Variants in PPP1R9A observed in about 807,000 individuals in gnomAD.
The protein encoded by PPP1R9A is neurabin-1.
A neutral mutation model predicts 141.9 loss-of-function variants in PPP1R9A; 59 were observed. The observed-to-expected ratio is 0.42, with a 90% CI of 0.34 to 0.52. The LOEUF (loss-of-function observed/expected upper bound fraction) is 0.52. PPP1R9A is among the 20% of genes least tolerant of loss of function. The pLI is 0.10. For missense variants in PPP1R9A, 1,444 were observed against 1,611.9 expected (o/e 0.90, Z 1.78); for synonymous variants, 500 against 569.7 (o/e 0.88, Z 1.74).
At chr7:94,959,859 TCTC>T (rs1797430959) in intron 2 of PPP1R9A, among the ~76,000 whole-genome samples, 2 of 151,876 alleles carry the variant, frequency 1.3e-5, no homozygotes, top group East Asian at 1.9e-4. Context: ...ATATTTTAAA[TCTC>T]CTCAGAAGTA....
chr7:95,253,168 A>G lies in PPP1R9A; in HGVS notation c.2665+1038A>G, dbSNP rs182579867. ...TGGCTTCATCTTTTTAAATATATAC[A>G]TAGTAGTCCCTGGAAAATGAAAATA... On this transcript the variant is annotated intron_variant, in intron 12 of 19. Transcript: ENST00000433360. 6.4e-3 allele frequency among the ~76,000 whole-genome samples: 969 copies of G among 152,322 alleles called. 4 individuals are homozygous for G. The highest frequency in any genetic ancestry group is 0.01 in the Non-Finnish European group (686 of 68,030).
At chr7:95,077,592 C>G (rs1263672856) in intron 2 of PPP1R9A, among the ~76,000 whole-genome samples, 1 of 152,074 alleles carries the variant, frequency 6.6e-6, no homozygotes, top group East Asian at 1.9e-4. Context: ...GCATTGTTAG[C>G]TGCCCCCCCA....
chr7:95,047,751 T>C (rs1810228203), intron 2 of PPP1R9A, among the ~76,000 whole-genome samples: 1 of 152,204 alleles, frequency 6.6e-6, no homozygotes, highest in Admixed American at 6.5e-5. Flanking sequence ...TTTTGCATTG[T>C]GGTATGAGGC....
intron 2 of PPP1R9A, among the ~76,000 whole-genome samples, chr7:94,942,401 G>C (rs1265322177): frequency 1.3e-5 from 2 of 152,190 alleles, no homozygotes; most frequent in African/African-American, 4.8e-5. Flanking sequence ...TTAGGACAGA[G>C]GTTGGCAAAC....
At position 95,293,698 on chromosome 7, in the gene PPP1R9A, T is replaced by G. The variant is rs1436049266; in HGVS notation, c.*3395T>G. On this transcript the variant is annotated 3_prime_UTR_variant, in exon 20 of 20. Coordinates refer to ENST00000433360, the MANE Select transcript of PPP1R9A (RefSeq NM_001166160.2). ...ATATCCCAGTCCCAAGCTACAAAAA[T>G]GGTCACAGGTGGTTTGATCTAGCAC... 6.6e-6 allele frequency: 1 copy of G among 152,224 alleles called. No individual in the cohort carries two copies. 9.4% of individuals were successfully genotyped at this position (152,224 alleles called of 1,614,324 possible). A position where few individuals can be genotyped will look rare whatever the true frequency, so the allele number is the denominator to read the frequency against.
intron 5 of PPP1R9A, among the ~76,000 whole-genome samples, chr7:95,195,050 A>C (rs1836039531): frequency 6.6e-6 from 1 of 152,160 alleles, no homozygotes; most frequent in Admixed American, 6.5e-5. Context: ...ATTATATAGT[A>C]ATCAGAGAAG....
At chr7:95,243,019 C>T (rs1157667288) in intron 8 of PPP1R9A, among the ~76,000 whole-genome samples, 1 of 152,148 alleles carries the variant, frequency 6.6e-6, no homozygotes, top group Non-Finnish European at 1.5e-5. Context: ...GGGAACTGCT[C>T]TAGAATAAGA....
At chr7:95,109,670 G>A (rs955045518) in intron 2 of PPP1R9A, among the ~76,000 whole-genome samples, 2 of 151,688 alleles carry the variant, frequency 1.3e-5, no homozygotes, top group South Asian at 2.1e-4. Flanking sequence ...GTGAGACCTC[G>A]CCTCTAAAAA....
At chr7:95,167,536 A>C (rs995748259) in intron 5 of PPP1R9A, among the ~76,000 whole-genome samples, 1 of 152,222 alleles carries the variant, frequency 6.6e-6, no homozygotes, top group Non-Finnish European at 1.5e-5. Context: ...TAGTACTGGA[A>C]GTCCTAGCCA....
At chr7:95,238,603 T>G (rs1563479000) in intron 8 of PPP1R9A, among the ~76,000 whole-genome samples, 1 of 152,178 alleles carries the variant, frequency 6.6e-6, no homozygotes, top group Non-Finnish European at 1.5e-5. Flanking sequence ...CCATACAAAG[T>G]CTATTTTTCT....
intron 3 of PPP1R9A, among the ~76,000 whole-genome samples, chr7:95,114,958 G>C (rs1821224160): frequency 6.7e-6 from 1 of 148,750 alleles, no homozygotes; most frequent in African/African-American, 2.5e-5. Flanking sequence ...CTATATCCTT[G>C]ATTTCTTTCT....
At chr7:95,023,728 A>G (rs997224681) in intron 2 of PPP1R9A, among the ~76,000 whole-genome samples, 2 of 151,844 alleles carry the variant, frequency 1.3e-5, no homozygotes, top group Non-Finnish European at 2.9e-5. Context: ...ATTCTTTTGT[A>G]TTTTTATTAG....
At chr7:94,971,588 A>G (rs1331735328) in intron 2 of PPP1R9A, among the ~76,000 whole-genome samples, 1 of 152,160 alleles carries the variant, frequency 6.6e-6, no homozygotes, top group Non-Finnish European at 1.5e-5. Context: ...TTTTGTTGCT[A>G]GCAGGTGAAA....
chr7:95,116,410 A>C (rs1466130908), intron 3 of PPP1R9A, among the ~76,000 whole-genome samples: 1 of 152,178 alleles, frequency 6.6e-6, no homozygotes, highest in East Asian at 1.9e-4. Flanking sequence ...CAAGATATGT[A>C]TAAAAATCAA....
At chr7:94,908,510 G>T (rs1791055440) in intron 1 of PPP1R9A, 2 of 152,198 alleles carry the variant, frequency 1.3e-5, no homozygotes, top group Non-Finnish European at 2.9e-5. Flanking sequence ...CTACCATAGC[G>T]CTTGGCGTCA....
intron 3 of PPP1R9A, among the ~76,000 whole-genome samples, chr7:95,113,393 T>C (rs1443701855): frequency 6.6e-6 from 1 of 152,208 alleles, no homozygotes; most frequent in African/African-American, 2.4e-5. Flanking sequence ...CTGAGGCTTA[T>C]ATTAGGAAGA....
At chr7:95,003,621 A>G (rs955650424) in intron 2 of PPP1R9A, among the ~76,000 whole-genome samples, 2 of 152,228 alleles carry the variant, frequency 1.3e-5, no homozygotes, top group African/African-American at 4.8e-5. Context: ...AACATAGATC[A>G]AATACTTAGT....
chr7:95,159,907 C>G (rs542293616), intron 4 of PPP1R9A, among the ~76,000 whole-genome samples: 1 of 126,830 alleles, frequency 7.9e-6, no homozygotes, highest in South Asian at 2.5e-4. Context: ...GCCTGGGTGA[C>G]AGAGGGAGAC....
At position 95,293,949 on chromosome 7, in the gene PPP1R9A, G is replaced by A. The variant is rs2116208725; in HGVS notation, c.*3646G>A. The A allele has an allele frequency of 6.6e-6, 1 of 152,308 alleles. No individual in the cohort carries two copies. The highest frequency in any genetic ancestry group is 1.9e-4 in the East Asian group (1 of 5,178). The allele number at this position is 152,308 out of a possible 1,614,324, so 9.4% of individuals were successfully genotyped here. A position where few individuals can be genotyped will look rare whatever the true frequency, so the allele number is the denominator to read the frequency against. ...GAGGATTCTAAAGGAAGCTGCCCCA[G>A]CAGCCCTGAGAGAACCATCTATACT... On this transcript the variant is annotated 3_prime_UTR_variant, in exon 20 of 20. Transcript: ENST00000433360.
Sources: gnomAD v4.1 joint callset for allele counts (sites outside exome capture counted in the v4.1 genomes callset) on GRCh38, gnomAD v4.1.1 for gene constraint, MANE v1.5 for transcripts, NCBI Gene and HGNC (gene_info 2026-07-23, HGNC 2026-07-21) for gene names.